Variants in GANAB observed in about 807,000 individuals in gnomAD.
GANAB encodes the protein neutral alpha-glucosidase AB.
In GANAB, 35 loss-of-function variants were observed where a neutral mutation model predicts 129.9. The ratio of observed to expected loss-of-function variants is 0.27; its 90% CI spans 0.21 to 0.36. GANAB has a LOEUF of 0.36. Among genes scored for constraint, GANAB ranks in the 10% least tolerant of loss-of-function variants. GANAB has a pLI of 1.00. For missense variants in GANAB, 939 were observed against 1,221.0 expected (o/e 0.77, Z 3.44); for synonymous variants, 482 against 451.8 (o/e 1.07, Z -0.85).
chr11:62,624,945 C>CT lies in GANAB; in HGVS notation c.*869_*870insA. The CT allele has an allele frequency of 1.4e-5, 3 of 215,824 alleles. No individual in the cohort carries two copies. Among genetic ancestry groups the CT allele is most frequent in the Admixed American group, 5.5e-5 (1 of 18,256 alleles). 13.4% of individuals were successfully genotyped at this position (215,824 alleles called of 1,614,324 possible). Reference sequence around the variant, plus strand: ...CCCCGACTCCCCATTAGTCCTCCCCCAACCCCCCACCCAGGGCTTCCAGCC... The same window carrying CT: ...CCCCGACTCCCCATTAGTCCTCCCCCTAACCCCCCACCCAGGGCTTCCAGCC... On this transcript the variant is annotated 3_prime_UTR_variant, in exon 24 of 24. Transcript: ENST00000356638.
At chr11:62,639,781 G>C (rs780988062) in intron 1 of GANAB, 50 bp from the exon 2 acceptor site, 1 of 1,235,418 alleles carries the variant, frequency 8.1e-7, no homozygotes, top group Admixed American at 1.8e-5. Context: ...GGTCAGAAGG[G>C]GCCCCCTTCA....
intron 3 of GANAB, 24 bp downstream of exon 3, chr11:62,639,335 A>G: frequency 1.4e-6 from 2 of 1,478,708 alleles, no homozygotes; most frequent in South Asian, 2.3e-5. Flanking sequence ...CACCCCCACC[A>G]GACTCTTCCT....
intron 9 of GANAB, among the ~76,000 whole-genome samples, chr11:62,632,239 G>A (rs1943723610): frequency 6.6e-6 from 1 of 152,146 alleles, no homozygotes; most frequent in African/African-American, 2.4e-5. Context: ...CTCCCAAAGT[G>A]CTGGGATTAC....
At position 62,625,047 on chromosome 11, in the gene GANAB, T is replaced by C; in HGVS notation, c.*768A>G. The stretch of plus-strand genomic sequence containing the variant: ...ATAAATACAGGTGACCATGATTCAC[T>C]GAAACCACAACTGATTTCTCCATCT... On this transcript the variant is annotated 3_prime_UTR_variant, in exon 24 of 24. Transcript: ENST00000356638. 5.9e-6 allele frequency: 2 copies of C among 340,704 alleles called. No individual in the cohort carries two copies. The highest frequency in any genetic ancestry group is 1.1e-5 in the Non-Finnish European group (2 of 177,976). 21.1% of individuals were successfully genotyped at this position (340,704 alleles called of 1,614,324 possible).
intron 20 of GANAB, 26 bp downstream of exon 20, chr11:62,626,834 C>G: frequency 6.4e-7 from 1 of 1,558,618 alleles, no homozygotes; most frequent in Non-Finnish European, 8.8e-7. Context: ...GGAGATGGAA[C>G]CGGCAGCCAG....
At chr11:62,627,196 C>T in intron 18 of GANAB, 72 bp from the exon 19 acceptor site, 1 of 1,440,798 alleles carries the variant, frequency 6.9e-7, no homozygotes. Context: ...AGTGCCTGCC[C>T]TCTGCACCAC....
chr11:62,640,378 A>G (rs932876610), intron 1 of GANAB, among the ~76,000 whole-genome samples: 11 of 143,544 alleles, frequency 7.7e-5, no homozygotes, highest in African/African-American at 2.9e-4. Flanking sequence ...CTAAAAATAC[A>G]AAAAATTAGC....
rs973774503 is a variant in GANAB at position 62,629,373 on chromosome 11, C to T, written c.1835-78G>A. The T allele has an allele frequency of 7.7e-6, 8 of 1,032,422 alleles. No individual in the cohort carries two copies. In the African/African-American group the frequency reaches 1.3e-4, roughly 16 times the overall value. The allele number at this position is 1,032,422 out of a possible 1,614,324, so 64.0% of individuals were successfully genotyped here. A position where few individuals can be genotyped will look rare whatever the true frequency, so the allele number is the denominator to read the frequency against. ...TTACATGGCTGACCTCCCACATCCG[C>T]TCTGGGTCCCCAGAACCCTGCTGAA... On this transcript the variant is annotated intron_variant, in intron 15 of 23. Transcript: ENST00000356638.
chr11:62,634,457 A>G, intron 5 of GANAB: 1 of 903,936 alleles, frequency 1.1e-6, no homozygotes. Flanking sequence ...AGTGAGTTTC[A>G]GTCGACAAAC....
chr11:62,631,209 A>AC, intron 9 of GANAB, 26 bp from the exon 10 acceptor site: 2 of 1,523,886 alleles, frequency 1.3e-6, no homozygotes, highest in Non-Finnish European at 1.8e-6. Context: ...CAAAGGGGTC[A>AC]GACACCTCCT....
rs764030691 is a variant in GANAB, at chr11:62,629,234, CAT to C, written c.1894_1895del (p.Met632ValfsTer63). The C allele has an allele frequency of 1.2e-6, 2 of 1,613,488 alleles. No homozygotes were observed. Among genetic ancestry groups the C allele is most frequent in the African/African-American group, 2.7e-5 (2 of 74,888 alleles). On this transcript the variant is annotated frameshift_variant, in exon 16 of 24. Coordinates refer to ENST00000356638, the MANE Select transcript of GANAB (RefSeq NM_198334.3). LOFTEE classifies it high-confidence loss of function. ...EWDHLKISIP[M>X]CLSLGLVGLS... is the part of the protein sequence containing the mutation. The stretch of plus-strand genomic sequence containing the variant: ...GTCCCACCAGCCCCAAGCTGAGACA[CAT>C]AGGAATAGAGATCTTCAAATGGTCC...
intron 9 of GANAB, among the ~76,000 whole-genome samples, chr11:62,632,359 C>T (rs1943728702): frequency 6.6e-6 from 1 of 152,162 alleles, no homozygotes; most frequent in Non-Finnish European, 1.5e-5. Context: ...TAAGTGCATT[C>T]CGTCAGCCCA....
intron 9 of GANAB, among the ~76,000 whole-genome samples, chr11:62,631,486 C>A (rs1467113161): frequency 2.0e-5 from 3 of 147,840 alleles, no homozygotes; most frequent in Admixed American, 1.4e-4. Context: ...TTTTTTTAGA[C>A]AGAGTCTCAC....
intron 4 of GANAB, among the ~76,000 whole-genome samples, chr11:62,638,631 GAAGGAAGGAAGGAAGC>G (rs1302750712): frequency 1.2e-4 from 3 of 26,056 alleles, no homozygotes; most frequent in African/African-American, 1.9e-4. Context: ...AGGAAGGAAG[GAAGGAAGGAAGGAAGC>G]AAGCAAACAA....
chr11:62,645,833 G>A (rs1227917561), intron 1 of GANAB, among the ~76,000 whole-genome samples: 4 of 152,206 alleles, frequency 2.6e-5, no homozygotes, highest in Non-Finnish European at 4.4e-5. Flanking sequence ...TCGCTTTGGA[G>A]AGTACACGCC....
Position 62,635,063 on chromosome 11 carries a change from T to C in GANAB, c.381-63A>G. 1.2e-5 allele frequency: 15 copies of C among 1,207,606 alleles called. No individual in the cohort carries two copies. The South Asian group carries it at 1.6e-4, about 13-fold the overall frequency. The allele number at this position is 1,207,606 out of a possible 1,614,324, so 74.8% of individuals were successfully genotyped here. On this transcript the variant is annotated intron_variant, in intron 4 of 23. Coordinates refer to ENST00000356638, the MANE Select transcript of GANAB (RefSeq NM_198334.3). ...AGGGCCAAGAGGAGTAATGACACTT[T>C]AGAAGACCGGGGGAAATCTACCTGT...
intron 9 of GANAB, 138 bp downstream of exon 9, chr11:62,632,427 G>T: frequency 1.5e-6 from 1 of 676,282 alleles, no homozygotes; most frequent in Non-Finnish European, 2.6e-6. Flanking sequence ...GAGTGATTAG[G>T]GAACTCAAAT....
Position 62,646,576 on chromosome 11 carries a change from C to G in GANAB, c.24G>C (p.Ala8=). ...GGGCTCCTCACCGCCTCCTACGCGC[C>G]GCCACTGCCGCTACCGCCGCCATCT... is the stretch of plus-strand genomic sequence containing the variant. MAAVAAV[A]ARRRRSWASL... The change falls in exon 1 of 24, where the codon GCG becomes GCC. Residue 8 remains alanine, a synonymous_variant. Coordinates refer to ENST00000356638, the MANE Select transcript of GANAB (RefSeq NM_198334.3). The G allele has an allele frequency of 1.2e-6, 2 of 1,613,742 alleles. No homozygotes were observed. The highest frequency in any genetic ancestry group is 1.7e-6 in the Non-Finnish European group (2 of 1,179,932).
In GANAB at chr11:62,639,661, T is replaced by A; in HGVS notation, c.109A>T (p.Asn37Tyr). Residue 37 changes from asparagine (N) to tyrosine (Y), a missense_variant, in exon 2 of 24, where the codon AAC becomes TAC. By Grantham distance (143) the Asn-to-Tyr change is moderately radical. Around this residue, in one of 5 missense-constraint regions of GANAB, gnomAD observed 321 missense variants for 329.1 expected, o/e 0.98. Coordinates refer to ENST00000356638, the MANE Select transcript of GANAB (RefSeq NM_198334.3). ...GAACTCTCTTCACAGGTCTTAAAGTTGCTTCTATCCACAGCAAGGGTAATC... is the reference window on the plus strand; with the variant it reads ...GAACTCTCTTCACAGGTCTTAAAGTAGCTTCTATCCACAGCAAGGGTAATC... ...LGITLAVDRS[N>Y]FKTCEESSFC... 2 of 1,613,810 alleles carry A rather than the reference T, an allele frequency of 1.2e-6. No homozygotes were observed. Among genetic ancestry groups the A allele is most frequent in the Non-Finnish European group, 1.7e-6 (2 of 1,179,778 alleles).
Sources: gnomAD v4.1 joint callset for allele counts (sites outside exome capture counted in the v4.1 genomes callset) on GRCh38, gnomAD v4.1.1 for gene constraint, gnomAD v4.1.1 regional missense constraint, MANE v1.5 for transcripts, NCBI Gene and HGNC (gene_info 2026-07-23, HGNC 2026-07-21) for gene names.